The following SPATA18 variants were observed in gnomAD, a reference collection of about 807,000 sequenced individuals.
The protein encoded by SPATA18 is spermatogenesis associated 18.
A neutral mutation model predicts 68.1 loss-of-function variants in SPATA18; 54 were observed. The ratio of observed to expected loss-of-function variants is 0.79; its 90% CI spans 0.64 to 0.99. The LOEUF is 0.99. SPATA18 is among the 50% of genes least tolerant of loss of function. The pLI, the probability that SPATA18 is intolerant of heterozygous loss-of-function variation, is 0.00. For missense variants in SPATA18, 724 were observed against 681.1 expected, an observed-to-expected ratio of 1.06 and a Z score of -0.70; for synonymous variants, 242 against 244.8, an observed-to-expected ratio of 0.99 and a Z score of 0.11.
rs1742310965 is a variant in SPATA18 at position 52,094,978 on chromosome 4, A to T, written c.*91A>T. 1 of 1,492,986 alleles carries T rather than the reference A, an allele frequency of 6.7e-7. No individual in the cohort carries two copies. Among genetic ancestry groups the T allele is most frequent in the South Asian group, 1.1e-5 (1 of 88,654 alleles). 92.5% of individuals were successfully genotyped at this position (1,492,986 alleles called of 1,614,324 possible). ...GTCTTCTGTGTCTGCCTCAGACCTC[A>T]CTTAAGATAATGTCAAAAGGCAATT... On this transcript the variant is annotated 3_prime_UTR_variant, in exon 13 of 13. Transcript: ENST00000295213.
intron 9 of SPATA18, among the ~76,000 whole-genome samples, chr4:52,082,069 A>C (rs945100297): frequency 2.0e-5 from 3 of 152,276 alleles, no homozygotes; most frequent in African/African-American, 7.2e-5. Context: ...CAGCATGAAA[A>C]ATTCTATGGG....
chr4:52,064,150 A>G (rs1299877013), intron 4 of SPATA18, among the ~76,000 whole-genome samples: 1 of 150,948 alleles, frequency 6.6e-6, no homozygotes, highest in Non-Finnish European at 1.5e-5. Flanking sequence ...CTTTTGCCCT[A>G]TATGCTTTAT....
chr4:52,094,707 TG>T, intron 12 of SPATA18, 135 bp downstream of exon 12: 1 of 1,275,298 alleles, frequency 7.8e-7, no homozygotes, highest in Non-Finnish European at 1.1e-6. Context: ...CTTTCATGTC[TG>T]GGCCTCTGGC....
At chr4:52,088,362 G>A (rs910448441) in intron 11 of SPATA18, among the ~76,000 whole-genome samples, 3 of 152,260 alleles carry the variant, frequency 2.0e-5, no homozygotes, top group African/African-American at 7.2e-5. Flanking sequence ...TTTTCAAAAG[G>A]AATGCTTCCA....
At chr4:52,069,645 A>G (rs536030118) in intron 4 of SPATA18, among the ~76,000 whole-genome samples, 176 bp from the exon 5 acceptor site, 84 of 152,348 alleles carry the variant, frequency 5.5e-4, no homozygotes, top group African/African-American at 1.9e-3. Flanking sequence ...GTTTTAGCAT[A>G]CAAGTCCACC....
chr4:52,064,086 C>A (rs1380405542), intron 4 of SPATA18, among the ~76,000 whole-genome samples: 1 of 152,056 alleles, frequency 6.6e-6, no homozygotes, highest in Non-Finnish European at 1.5e-5. Flanking sequence ...TAATTTCAAA[C>A]ACAGCAAATC....
intron 7 of SPATA18, 74 bp from the exon 8 acceptor site, chr4:52,078,661 T>C: frequency 1.5e-6 from 2 of 1,367,554 alleles, no homozygotes. Flanking sequence ...GCTCGGATTC[T>C]TTCTAATTCC....
chr4:52,075,382 TTTTG>T (rs1740250473), intron 6 of SPATA18, among the ~76,000 whole-genome samples: 1 of 152,156 alleles, frequency 6.6e-6, no homozygotes, highest in Admixed American at 6.5e-5. Flanking sequence ...ATGGAACTGT[TTTTG>T]TTTTGGATAT....
At position 52,071,850 on chromosome 4, in the gene SPATA18, C is replaced by T. The variant is rs115883014; in HGVS notation, c.519-67C>T. On this transcript the variant is annotated intron_variant, in intron 5 of 12. Transcript: ENST00000295213. ...ATGCCAATTGCTGCTTATTACCTTTCCTTCCTTCCTTCACTCCCTCCCCTC... is the reference window on the plus strand; with the variant it reads ...ATGCCAATTGCTGCTTATTACCTTTTCTTCCTTCCTTCACTCCCTCCCCTC... The T allele has an allele frequency of 4.0e-3, 5,967 of 1,482,632 alleles. 20 individuals carry two copies. Among genetic ancestry groups the T allele is most frequent in the Non-Finnish European group, 5.1e-3 (5,590 of 1,092,766 alleles). 91.8% of individuals were successfully genotyped at this position (1,482,632 alleles called of 1,614,324 possible). A position where few individuals can be genotyped will look rare whatever the true frequency, so the allele number is the denominator to read the frequency against.
Position 52,053,026 on chromosome 4 carries a change from A to G in SPATA18, c.87+1235A>G, listed in dbSNP as rs553741792. 4.6e-5 allele frequency among the ~76,000 whole-genome samples: 7 copies of G among 152,328 alleles called. No individual in the cohort carries two copies. The South Asian group carries it at 1.5e-3, about 32-fold the overall frequency. ...AAAAGACTTGGGTTCCCCCCAACTAATTTTAAAAGTACCTACTACTTAGTC... is the reference window on the plus strand; with the variant it reads ...AAAAGACTTGGGTTCCCCCCAACTAGTTTTAAAAGTACCTACTACTTAGTC... On this transcript the variant is annotated intron_variant, in intron 1 of 12. Transcript: ENST00000295213.
intron 11 of SPATA18, among the ~76,000 whole-genome samples, chr4:52,090,179 C>T (rs1340182138): frequency 1.3e-5 from 2 of 152,096 alleles, no homozygotes; most frequent in African/African-American, 4.8e-5. Flanking sequence ...TGTGTCTTTG[C>T]ACGTGAGATC....
rs1016293871 is a variant in SPATA18 at position 52,051,783 on chromosome 4, G to A, written c.79G>A (p.Glu27Lys). Residue 27 changes from glutamate (E) to lysine (K), a missense_variant, in exon 1 of 13, where the codon GAG becomes AAG. By Grantham distance (56) the Glu-to-Lys change is moderately conservative (BLOSUM62 1). Coordinates refer to ENST00000295213, the MANE Select transcript of SPATA18 (RefSeq NM_145263.4). The stretch of plus-strand genomic sequence containing the variant: ...GGAAAAGCTAGACTTCTGGCTGAAG[G>A]AGTACAACGTGAGTCTGGGTGAAAA... ...LQEKLDFWLK[E>K]YNTNTCDQNL... 6.2e-7 allele frequency: 1 copy of A among 1,614,056 alleles called. No individual in the cohort carries two copies. The highest frequency in any genetic ancestry group is 1.3e-5 in the African/African-American group (1 of 74,930).
intron 6 of SPATA18, 140 bp from the exon 7 acceptor site, chr4:52,076,639 G>A: frequency 9.2e-7 from 1 of 1,090,618 alleles, no homozygotes; most frequent in East Asian, 2.5e-5. Context: ...TCAGATAATA[G>A]GGAAGTCTAA....
At chr4:52,093,826 T>G (rs1291104231) in intron 11 of SPATA18, among the ~76,000 whole-genome samples, 1 of 152,208 alleles carries the variant, frequency 6.6e-6, no homozygotes, top group African/African-American at 2.4e-5. Context: ...GAATAAAATC[T>G]AATCTCAAAG....
chr4:52,082,404 A>T lies in SPATA18; in HGVS notation c.1373A>T (p.Asp458Val), dbSNP rs1295342613. 3 of 1,613,812 alleles carry T rather than the reference A, an allele frequency of 1.9e-6. No individual in the cohort carries two copies. The African/African-American group carries it at 4.0e-5, about 22-fold the overall frequency. The change falls in exon 10 of 13, where the codon GAC becomes GTC. Residue 458 changes from aspartate to valine, a missense_variant. Coordinates refer to ENST00000295213, the MANE Select transcript of SPATA18 (RefSeq NM_145263.4). The stretch of plus-strand genomic sequence containing the variant: ...GAAAACAGATACCGCCGCAGCTACG[A>T]CTCGGATTTCACTGCTCCCTTAGTC... ...FNDCKYRRSY[D>V]SDFTAPLVLY...
intron 11 of SPATA18, among the ~76,000 whole-genome samples, chr4:52,093,962 C>G (rs746061143): frequency 6.6e-6 from 1 of 152,140 alleles, no homozygotes; most frequent in Non-Finnish European, 1.5e-5. Context: ...ATGTGGGGGT[C>G]TTGATTCATC....
intron 7 of SPATA18, chr4:52,078,399 T>C: frequency 5.7e-6 from 1 of 176,780 alleles, no homozygotes; most frequent in Non-Finnish European, 1.2e-5. Flanking sequence ...ACTGATAATG[T>C]TCTCTTATTT....
intron 1 of SPATA18, among the ~76,000 whole-genome samples, 169 bp downstream of exon 1, chr4:52,051,960 CAT>C (rs921559972): frequency 6.6e-6 from 1 of 152,198 alleles, no homozygotes; most frequent in Non-Finnish European, 1.5e-5. Context: ...GAAGGAAGGA[CAT>C]GTGTGTACAT....
chr4:52,073,849 A>G (rs962605512), intron 6 of SPATA18, among the ~76,000 whole-genome samples: 2 of 152,190 alleles, frequency 1.3e-5, no homozygotes, highest in African/African-American at 4.8e-5. Flanking sequence ...CCACTTTTCC[A>G]GACACATTAA....
Sources: gnomAD v4.1 joint callset for allele counts (sites outside exome capture counted in the v4.1 genomes callset) on GRCh38, gnomAD v4.1.1 for gene constraint, MANE v1.5 for transcripts, NCBI Gene and HGNC (gene_info 2026-07-23, HGNC 2026-07-21) for gene names.